PTGR1: variants seen among roughly 807,000 people sequenced by gnomAD.
PTGR1 encodes prostaglandin reductase 1, also known as 15-oxoprostaglandin 13-reductase.
A neutral mutation model predicts 37.7 loss-of-function variants in PTGR1; 23 were observed. That is an observed-to-expected ratio of 0.61 (90% CI 0.44 to 0.86). PTGR1 has a LOEUF of 0.86. PTGR1 is among the 40% of genes least tolerant of loss of function. PTGR1 has a pLI of 0.00. For synonymous variants in PTGR1, 134 were observed against 140.0 expected (o/e 0.96, Z 0.30); for missense variants, 351 against 394.3 (o/e 0.89, Z 0.93).
intron 7 of PTGR1, among the ~76,000 whole-genome samples, chr9:111,578,238 T>C (rs186924249): frequency 1.3e-5 from 2 of 152,294 alleles, no homozygotes; most frequent in East Asian, 3.9e-4. Context: ...AGCAGTTTCA[T>C]TGGAAGACAA....
At chr9:111,567,407 G>T (rs954665984) in intron 9 of PTGR1, among the ~76,000 whole-genome samples, 2 of 152,098 alleles carry the variant, frequency 1.3e-5, no homozygotes, top group Non-Finnish European at 2.9e-5. Flanking sequence ...AGATGGTCTC[G>T]ATCTCTTGAC....
At chr9:111,580,553 C>T (rs554126569) in intron 6 of PTGR1, among the ~76,000 whole-genome samples, 9 of 152,046 alleles carry the variant, frequency 5.9e-5, no homozygotes, top group African/African-American at 1.7e-4. Context: ...GTCGGGAGTT[C>T]GAGACCAGCC....
At chr9:111,584,204 C>T (rs1829363607) in intron 5 of PTGR1, among the ~76,000 whole-genome samples, 1 of 152,202 alleles carries the variant, frequency 6.6e-6, no homozygotes, top group African/African-American at 2.4e-5. Flanking sequence ...GACACCACCG[C>T]ATCTCATTGG....
intron 2 of PTGR1, among the ~76,000 whole-genome samples, chr9:111,595,239 AG>A (rs1829743063): frequency 6.6e-6 from 1 of 152,134 alleles, no homozygotes; most frequent in Non-Finnish European, 1.5e-5. Context: ...AGAGACAAGA[AG>A]GGGTTCTCAT....
chr9:111,568,782 A>G (rs1019553780), intron 9 of PTGR1, among the ~76,000 whole-genome samples: 8 of 152,176 alleles, frequency 5.3e-5, no homozygotes, highest in African/African-American at 1.9e-4. Flanking sequence ...CACTTATGAA[A>G]AATAGAAAGA....
chr9:111,594,330 T>A, intron 2 of PTGR1, 63 bp from the exon 3 acceptor site: 2 of 1,414,026 alleles, frequency 1.4e-6, no homozygotes, highest in South Asian at 2.3e-5. Context: ...CAATAGACAC[T>A]GAGCACCACT....
chr9:111,552,767 A>C (rs1380597251), intron 9 of PTGR1, among the ~76,000 whole-genome samples: 4 of 152,306 alleles, frequency 2.6e-5, no homozygotes, highest in African/African-American at 9.6e-5. Flanking sequence ...AAATTTTTCA[A>C]GATTTGAATT....
At chr9:111,560,549 G>A (rs1465791761), downstream of PTGR1, among the ~76,000 whole-genome samples, 5 of 146,024 alleles carry the variant, frequency 3.4e-5, no homozygotes, top group African/African-American at 2.6e-5. Context: ...GCTGAGGCAG[G>A]AGAATTGCTT....
chr9:111,598,926 T>G (rs1589326978), intron 1 of PTGR1, among the ~76,000 whole-genome samples: 1 of 152,192 alleles, frequency 6.6e-6, no homozygotes, highest in East Asian at 1.9e-4. Context: ...CTTCGTACCC[T>G]TTGGCCAACA....
rs563524731 is a variant in PTGR1, at chr9:111,578,895, C to T, written c.552G>A (p.Lys184=). ...GSDEKVAYLQ[K]LGFDVVFNYK... ...AGTTAAAGACGACATCAAATCCAAG[C>T]TTTTGAAGGTAGGCAACCTTTTCAT... Residue 184 remains lysine (K), a synonymous_variant, in exon 7 of 10, where the codon AAG becomes AAA. Transcript: ENST00000407693. 9 of 1,612,430 alleles carry T rather than the reference C, an allele frequency of 5.6e-6. No homozygotes were observed. The highest frequency in any genetic ancestry group is 5.9e-6 in the Non-Finnish European group (7 of 1,179,650).
chr9:111,569,169 G>C (rs1254333354), intron 9 of PTGR1, among the ~76,000 whole-genome samples: 3 of 152,158 alleles, frequency 2.0e-5, no homozygotes, highest in Non-Finnish European at 4.4e-5. Flanking sequence ...GGAGAGCCAG[G>C]CTGGAGATAG....
At chr9:111,550,823 A>G (rs1827919162) in intron 9 of PTGR1, among the ~76,000 whole-genome samples, 1 of 152,134 alleles carries the variant, frequency 6.6e-6, no homozygotes, top group African/African-American at 2.4e-5. Flanking sequence ...TTTGTTTCAT[A>G]GGTGAAATAT....
intron 9 of PTGR1, among the ~76,000 whole-genome samples, chr9:111,556,018 T>C (rs1027310048): frequency 6.6e-6 from 1 of 152,230 alleles, no homozygotes; most frequent in Non-Finnish European, 1.5e-5. Context: ...TATGAGCCTG[T>C]AAAATCACAA....
At chr9:111,599,486 G>A (rs1829879762) in intron 1 of PTGR1, 117 bp downstream of exon 1, 2 of 152,338 alleles carry the variant, frequency 1.3e-5, no homozygotes, top group South Asian at 4.1e-4. Flanking sequence ...CGACGTAAGG[G>A]GAGGAGGTCT....
At position 111,586,081 on chromosome 9, in the gene PTGR1, A is replaced by G. The variant is rs1159747570; in HGVS notation, c.294T>C (p.Asp98=). The G allele has an allele frequency of 3.7e-6, 6 of 1,614,168 alleles. No individual in the cohort carries two copies. Among genetic ancestry groups the G allele is most frequent in the Non-Finnish European group, 5.1e-6 (6 of 1,180,020 alleles). Residue 98 remains aspartate (D), a synonymous_variant, in exon 5 of 10, where the codon GAT becomes GAC. Coordinates refer to ENST00000407693, the MANE Select transcript of PTGR1 (RefSeq NM_001146108.2). The part of the protein sequence containing the change: ...SPGWTTHSIS[D]GKDLEKLLTE... ...TCAGCAGCTTTTCCAGATCTTTCCC[A>G]TCAGAAATGGAGTGCGTTGTCCAGC...
At chr9:111,564,286 A>G in intron 9 of PTGR1, 1 of 490,118 alleles carries the variant, frequency 2.0e-6, no homozygotes, top group Middle Eastern at 9.4e-4. Context: ...TTTTATTATT[A>G]TTATTATTAT....
Position 111,563,187 on chromosome 9 carries a change from G to A in PTGR1, c.924C>T (p.Asn308=), listed in dbSNP as rs1374231687. 6.2e-7 allele frequency: 1 copy of A among 1,613,894 alleles called. No homozygotes were observed. The highest frequency in any genetic ancestry group is 8.5e-7 in the Non-Finnish European group (1 of 1,179,916). The change falls in exon 10 of 10, where the codon AAC becomes AAT. Residue 308 remains asparagine (N), a synonymous_variant. Transcript: ENST00000407693. ...YKEYIIEGFE[N]MPAAFMGMLK... ...GCATTCCCATAAATGCAGCTGGCAT[G>A]TTTTCAAATCCTTCAATGATATATT...
intron 9 of PTGR1, among the ~76,000 whole-genome samples, chr9:111,555,380 ACCT>A (rs1212061183): frequency 6.6e-5 from 10 of 151,858 alleles, no homozygotes; most frequent in African/African-American, 2.2e-4. Flanking sequence ...TGATGCCTCC[ACCT>A]CCTAAATCTT....
At chr9:111,598,859 G>A (rs935667428) in intron 1 of PTGR1, among the ~76,000 whole-genome samples, 4 of 152,046 alleles carry the variant, frequency 2.6e-5, no homozygotes, top group Non-Finnish European at 4.4e-5. Flanking sequence ...ACACATTATT[G>A]GCTCTAGTCA....
Sources: allele counts gnomAD v4.1 joint callset (sites outside exome capture counted in the v4.1 genomes callset), GRCh38; gene constraint gnomAD v4.1.1; transcripts MANE v1.5; gene names NCBI Gene and HGNC (gene_info 2026-07-23, HGNC 2026-07-21).